NOCT: variants seen among roughly 807,000 people sequenced by gnomAD.
NOCT encodes nocturnin.
NOCT carries 18 observed loss-of-function variants against 35.0 expected under a neutral mutation model. That is an observed-to-expected ratio of 0.51 (90% CI 0.36 to 0.76). The LOEUF is 0.76. NOCT is among the 30% of genes least tolerant of loss of function. NOCT has a pLI of 0.01. For synonymous variants in NOCT, 235 were observed against 226.3 expected, an observed-to-expected ratio of 1.04 and a Z score of -0.34; for missense variants, 479 against 541.0, an observed-to-expected ratio of 0.89 and a Z score of 1.14.
At chr4:139,025,262 A>G (rs1223351166) in intron 1 of NOCT, among the ~76,000 whole-genome samples, 4 of 152,100 alleles carry the variant, frequency 2.6e-5, no homozygotes, top group Admixed American at 1.3e-4. Context: ...GTTCACTTTC[A>G]TTCTTGAACG....
At chr4:139,034,132 T>G (rs1726681088) in intron 1 of NOCT, among the ~76,000 whole-genome samples, 1 of 152,152 alleles carries the variant, frequency 6.6e-6, no homozygotes, top group Admixed American at 6.6e-5. Flanking sequence ...CTTGTTGCTG[T>G]GTCATGCCAT....
At chr4:139,019,795 A>T (rs1726376568) in intron 1 of NOCT, among the ~76,000 whole-genome samples, 1 of 152,208 alleles carries the variant, frequency 6.6e-6, no homozygotes. Context: ...CAGTTGCCAC[A>T]GTTACTGTAC....
chr4:139,039,583 T>G (rs1400926175), intron 1 of NOCT, among the ~76,000 whole-genome samples: 1 of 152,128 alleles, frequency 6.6e-6, no homozygotes, highest in Non-Finnish European at 1.5e-5. Flanking sequence ...TTTCTCCCTT[T>G]TATTTTTTTT....
rs1464593465 is a variant in NOCT, at chr4:139,030,388, C to G, written c.191-12686C>G. On this transcript the variant is annotated intron_variant, in intron 1 of 2. Transcript: ENST00000280614. Reference sequence around the variant, plus strand: ...ACAGAATTTCTTGGTACTTTGCTGTCACTTGCCATCTTTTATTAACATTGT... The same window carrying G: ...ACAGAATTTCTTGGTACTTTGCTGTGACTTGCCATCTTTTATTAACATTGT... Among the ~76,000 whole-genome samples the G allele has an allele frequency of 2.6e-5, 4 of 152,182 alleles. No homozygotes were observed. The East Asian group carries it at 7.7e-4, about 29-fold the overall frequency.
In NOCT at chr4:139,015,784, C is replaced by A. The variant is rs377519338; in HGVS notation, c.-198C>A. The A allele has an allele frequency of 1.1e-5, 4 of 373,044 alleles. No homozygotes were observed. Among genetic ancestry groups the A allele is most frequent in the South Asian group, 2.6e-4 (2 of 7,628 alleles). The allele number at this position is 373,044 out of a possible 1,614,324, so 23.1% of individuals were successfully genotyped here. ...AGGTCTCGCCAGGTCTCACAGCAGA[C>A]GGTGCCGACGCAGCGGTGTTGCACC... On this transcript the variant is annotated 5_prime_UTR_variant, in exon 1 of 3. Coordinates refer to ENST00000280614, the MANE Select transcript of NOCT (RefSeq NM_012118.4).
chr4:139,042,954 T>A, intron 1 of NOCT, 120 bp from the exon 2 acceptor site: 1 of 828,720 alleles, frequency 1.2e-6, no homozygotes, highest in Non-Finnish European at 1.9e-6. Context: ...CTTTATACAC[T>A]ATTATGGCAA....
intron 1 of NOCT, among the ~76,000 whole-genome samples, chr4:139,019,249 T>C (rs181198887): frequency 2.0e-5 from 3 of 152,252 alleles, no homozygotes; most frequent in Admixed American, 2.0e-4. Flanking sequence ...AGACAGGATT[T>C]CAACGTGTTG....
chr4:139,019,263 G>A (rs549347461), intron 1 of NOCT, among the ~76,000 whole-genome samples: 91 of 152,136 alleles, frequency 6.0e-4, no homozygotes, highest in African/African-American at 2.0e-3. Context: ...CGTGTTGCCC[G>A]GGCTCGTCTC....
intron 1 of NOCT, among the ~76,000 whole-genome samples, chr4:139,036,837 G>A (rs981520584): frequency 2.0e-5 from 3 of 152,216 alleles, no homozygotes; most frequent in African/African-American, 7.2e-5. Flanking sequence ...ATTAAATTAA[G>A]AAGATTAGAG....
chr4:139,042,906 C>T lies in NOCT; in HGVS notation c.191-168C>T, dbSNP rs1578634215. 3.4e-5 allele frequency among the ~76,000 whole-genome samples: 5 copies of T among 147,540 alleles called. 1 individual carries two copies. Among genetic ancestry groups the T allele is most frequent in the African/African-American group, 1.3e-4 (5 of 39,966 alleles). On this transcript the variant is annotated intron_variant, in intron 1 of 2. Transcript: ENST00000280614. ...TCCAGCCTGGGCAACAAGAGCGAAA[C>T]TCCATCTCAAAAAAAAAAAAAAAGA...
In NOCT at chr4:139,043,166, G is replaced by C. The variant is rs757607668; in HGVS notation, c.283G>C (p.Val95Leu). Residue 95 changes from valine (V) to leucine (L), a missense_variant, in exon 2 of 3, where the codon GTG becomes CTG. Coordinates refer to ENST00000280614, the MANE Select transcript of NOCT (RefSeq NM_012118.4). ...TGCCTCCCAGCACCCAGAGTATTTG[G>C]TGTCACCTGACCCAGAGCATCTGGA... Reference protein sequence around the residue: ...SAASQHPEYLVSPDPEHLEPI... With the variant: ...SAASQHPEYLLSPDPEHLEPI... The C allele has an allele frequency of 4.6e-5, 75 of 1,614,028 alleles. 3 individuals carry two copies. The South Asian group carries it at 6.7e-4, about 14-fold the overall frequency.
intron 1 of NOCT, among the ~76,000 whole-genome samples, chr4:139,034,533 T>C (rs1726693772): frequency 1.3e-5 from 2 of 152,158 alleles, no homozygotes; most frequent in Non-Finnish European, 2.9e-5. Context: ...GTATTTACTT[T>C]GTTATTAATT....
Position 139,045,033 on chromosome 4 carries a change from C to T in NOCT, c.855C>T (p.Thr285=), listed in dbSNP as rs756072524. The change falls in exon 3 of 3, where the codon ACC becomes ACT. Residue 285 remains threonine, a synonymous_variant. Transcript: ENST00000280614. Reference sequence around the variant, plus strand: ...GCCGACAGTTCTGCATCGCTGTTACCCATCTAAAAGCACGCACTGGCTGGG... The same window carrying T: ...GCCGACAGTTCTGCATCGCTGTTACTCATCTAAAAGCACGCACTGGCTGGG... The part of the protein sequence containing the change: ...ESGRQFCIAV[T]HLKARTGWER... 5.6e-6 allele frequency: 9 copies of T among 1,614,210 alleles called. No individual in the cohort carries two copies. Among genetic ancestry groups the T allele is most frequent in the Non-Finnish European group, 7.6e-6 (9 of 1,180,040 alleles).
chr4:139,016,811 G>C (rs1241494158), intron 1 of NOCT, among the ~76,000 whole-genome samples: 2 of 151,572 alleles, frequency 1.3e-5, no homozygotes, highest in African/African-American at 4.8e-5. Context: ...CAGTCACCAC[G>C]CCTAGCTAAC....
rs1726294270 is a variant in NOCT, at chr4:139,016,150, G to T, written c.169G>T (p.Ala57Ser). The T allele has an allele frequency of 7.9e-7, 1 of 1,270,880 alleles. No individual in the cohort carries two copies. The highest frequency in any genetic ancestry group is 9.9e-7 in the Non-Finnish European group (1 of 1,012,814). 78.7% of individuals were successfully genotyped at this position (1,270,880 alleles called of 1,614,324 possible). A position where few individuals can be genotyped will look rare whatever the true frequency, so the allele number is the denominator to read the frequency against. Residue 57 changes from alanine (A) to serine (S), a missense_variant, in exon 1 of 3, where the codon GCG (alanine) becomes TCG (serine). By Grantham distance (99) the Ala-to-Ser change is moderately conservative (BLOSUM62 1). Coordinates refer to ENST00000280614, the MANE Select transcript of NOCT (RefSeq NM_012118.4). ...GGCGGCCTCGGCGGCCTCGGGCGCC[G>T]CGAGGTCGTGTTCCCGAACAGGTGA... ...LAAASAASGA[A>S]RSCSRTVCSM... is the part of the protein sequence containing the mutation.
chr4:139,036,976 G>A (rs944401773), intron 1 of NOCT, among the ~76,000 whole-genome samples: 2 of 152,210 alleles, frequency 1.3e-5, no homozygotes, highest in Non-Finnish European at 2.9e-5. Context: ...GGGTGGATAA[G>A]TGGAAATGCC....
chr4:139,039,852 C>T (rs1436347232), intron 1 of NOCT, among the ~76,000 whole-genome samples: 1 of 151,868 alleles, frequency 6.6e-6, no homozygotes, highest in Non-Finnish European at 1.5e-5. Context: ...CTCACCCTCG[C>T]GAGTAGCTGG....
At chr4:139,028,923 C>T (rs1726574572) in intron 1 of NOCT, among the ~76,000 whole-genome samples, 1 of 152,078 alleles carries the variant, frequency 6.6e-6, no homozygotes, top group African/African-American at 2.4e-5. Flanking sequence ...CTCACTGCAA[C>T]CTCCTCCCAG....
At chr4:139,018,187 GAAC>G (rs1014176602) in intron 1 of NOCT, among the ~76,000 whole-genome samples, 1 of 144,014 alleles carries the variant, frequency 6.9e-6, no homozygotes, top group Non-Finnish European at 1.5e-5. Flanking sequence ...GAAATTTTAA[GAAC>G]AACATTGTTA....
Sources: gnomAD v4.1 joint callset for allele counts (sites outside exome capture counted in the v4.1 genomes callset) on GRCh38, gnomAD v4.1.1 for gene constraint, MANE v1.5 for transcripts, NCBI Gene and HGNC (gene_info 2026-07-23, HGNC 2026-07-21) for gene names.